Variants in PIK3C2A observed in about 807,000 individuals in gnomAD.
PIK3C2A encodes phosphatidylinositol-4-phosphate 3-kinase catalytic subunit type 2 alpha, also known as phosphatidylinositol 4-phosphate 3-kinase C2 domain-containing subunit alpha.
In PIK3C2A, 97 loss-of-function variants were observed where a neutral mutation model predicts 204.5. The ratio of observed to expected loss-of-function variants is 0.47; its 90% confidence interval spans 0.40 to 0.56. The LOEUF (loss-of-function observed/expected upper bound fraction) is 0.56. Among genes scored for constraint, PIK3C2A ranks in the 20% least tolerant of loss-of-function variants. The pLI is 0.00. For synonymous variants in PIK3C2A, 653 were observed against 664.4 expected, an observed-to-expected ratio of 0.98 and a Z score of 0.26; for missense variants, 1,735 against 1,969.2, an observed-to-expected ratio of 0.88 and a Z score of 2.25.
At chr11:17,185,909 T>A (rs1397453286) in intron 1 of PIK3C2A, among the ~76,000 whole-genome samples, 1 of 152,188 alleles carries the variant, frequency 6.6e-6, no homozygotes, top group Non-Finnish European at 1.5e-5. Context: ...GCTGGAGTGA[T>A]CTTGAAAAAC....
At chr11:17,091,771 G>A (rs1848317477) in intron 30 of PIK3C2A, 115 bp from the exon 31 acceptor site, 1 of 720,392 alleles carries the variant, frequency 1.4e-6, no homozygotes, top group South Asian at 1.8e-5. Flanking sequence ...GAAGGGAGGG[G>A]AAAAAGGAGT....
At chr11:17,100,517 T>C (rs1484379588) in intron 25 of PIK3C2A, among the ~76,000 whole-genome samples, 2 of 152,172 alleles carry the variant, frequency 1.3e-5, no homozygotes, top group African/African-American at 2.4e-5. Context: ...CCACCGCGCC[T>C]GGCCTAGGCC....
At chr11:17,124,943 C>G (rs1590935240) in intron 13 of PIK3C2A, among the ~76,000 whole-genome samples, 2 of 152,138 alleles carry the variant, frequency 1.3e-5, no homozygotes, top group South Asian at 2.1e-4. Context: ...GACCTAGAGG[C>G]CTGATTTGAT....
intron 8 of PIK3C2A, among the ~76,000 whole-genome samples, chr11:17,139,223 T>G (rs1468102022): frequency 2.0e-5 from 3 of 150,620 alleles, no homozygotes; most frequent in Non-Finnish European, 4.4e-5. Context: ...TAATGATTCT[T>G]TAAATTTCCC....
intron 1 of PIK3C2A, among the ~76,000 whole-genome samples, chr11:17,187,502 C>G (rs72860760): frequency 6.6e-6 from 1 of 152,126 alleles, no homozygotes; most frequent in South Asian, 2.1e-4. Flanking sequence ...ACTTTCATCA[C>G]CCCATAAAGA....
chr11:17,121,104 TTTTTCTTTTCTTTTC>T (rs533558948), intron 15 of PIK3C2A, among the ~76,000 whole-genome samples: 4 of 152,040 alleles, frequency 2.6e-5, no homozygotes, highest in South Asian at 2.1e-4. Flanking sequence ...TTCCAATCAA[TTTTTCTTTTCTTTTC>T]TTTTCTTTTC....
At chr11:17,110,038 C>T (rs1014766517) in intron 22 of PIK3C2A, among the ~76,000 whole-genome samples, 4 of 152,014 alleles carry the variant, frequency 2.6e-5, no homozygotes, top group Non-Finnish European at 5.9e-5. Context: ...CTGCAGCCTC[C>T]GCCTCCCAAG....
intron 2 of PIK3C2A, among the ~76,000 whole-genome samples, chr11:17,165,640 T>C (rs1387366255): frequency 6.6e-6 from 1 of 151,900 alleles, no homozygotes; most frequent in Non-Finnish European, 1.5e-5. Flanking sequence ...CCGGTCGTGG[T>C]GGTGCATGAC....
chr11:17,122,791 G>T lies in PIK3C2A; in HGVS notation c.2422C>A (p.Leu808Ile). 1 of 1,493,584 alleles carries T rather than the reference G, an allele frequency of 6.7e-7. No homozygotes were observed. The highest frequency in any genetic ancestry group is 9.2e-7 in the Non-Finnish European group (1 of 1,084,996). The allele number at this position is 1,493,584 out of a possible 1,614,324, so 92.5% of individuals were successfully genotyped here. ...FKRFLTCGTK[L>I]LYLWTSSHTN... ...TGTGATGAAGTCCAAAGATATAGAAGTTTAGTTCCACATGTTAAAAACCTT... is the reference window on the plus strand; with the variant it reads ...TGTGATGAAGTCCAAAGATATAGAATTTTAGTTCCACATGTTAAAAACCTT... Residue 808 changes from leucine to isoleucine, a missense_variant, in exon 14 of 33, where the codon CTT (leucine) becomes ATT (isoleucine). Around this residue, in one of 6 missense-constraint regions of PIK3C2A, gnomAD observed 567 missense variants for 576.0 expected, o/e 0.98. Transcript: ENST00000691414.
intron 13 of PIK3C2A, among the ~76,000 whole-genome samples, chr11:17,125,950 C>T (rs1849508240): frequency 6.6e-6 from 1 of 151,836 alleles, no homozygotes. Context: ...ATTGCAAAAC[C>T]CTGTCTCTAC....
At chr11:17,185,254 A>G (rs757062221) in intron 1 of PIK3C2A, among the ~76,000 whole-genome samples, 2 of 152,240 alleles carry the variant, frequency 1.3e-5, no homozygotes, top group Non-Finnish European at 2.9e-5. Flanking sequence ...ATAACATGCT[A>G]TAGTATGTAC....
At chr11:17,141,711 T>G (rs928451839) in intron 8 of PIK3C2A, among the ~76,000 whole-genome samples, 1 of 152,200 alleles carries the variant, frequency 6.6e-6, no homozygotes, top group Non-Finnish European at 1.5e-5. Context: ...TAGTGACTTA[T>G]TTTCAAAAGA....
intron 25 of PIK3C2A, among the ~76,000 whole-genome samples, 196 bp downstream of exon 25, chr11:17,101,082 A>G (rs1190776804): frequency 6.6e-6 from 1 of 152,214 alleles, no homozygotes; most frequent in East Asian, 1.9e-4. Flanking sequence ...TTTTATACAA[A>G]TGGAGTCAGA....
At chr11:17,197,302 G>C (rs1261162216) in intron 1 of PIK3C2A, among the ~76,000 whole-genome samples, 1 of 152,062 alleles carries the variant, frequency 6.6e-6, no homozygotes, top group African/African-American at 2.4e-5. Context: ...CTACAGGCAT[G>C]AGCCACCGCA....
chr11:17,112,643 A>G lies in PIK3C2A; in HGVS notation c.3345T>C (p.Asn1115=). 2 of 1,528,856 alleles carry G rather than the reference A, an allele frequency of 1.3e-6. No individual in the cohort carries two copies. Among genetic ancestry groups the G allele is most frequent in the Non-Finnish European group, 1.8e-6 (2 of 1,131,730 alleles). 94.7% of individuals were successfully genotyped at this position (1,528,856 alleles called of 1,614,324 possible). Reference sequence around the variant, plus strand: ...CCATTGTGACTTTTAGGGGGACAGCATTAGAACTGAAGAAGGAACACGACT... The same window carrying G: ...CCATTGTGACTTTTAGGGGGACAGCGTTAGAACTGAAGAAGGAACACGACT... ...NIKSCSFFSS[N]AVPLKVTMVN... is the part of the protein sequence containing the mutation. The change falls in exon 21 of 33, where the codon AAT becomes AAC. Residue 1115 remains asparagine, a synonymous_variant. Transcript: ENST00000691414.
At chr11:17,132,362 G>T (rs374173663) in intron 11 of PIK3C2A, among the ~76,000 whole-genome samples, 1 of 119,118 alleles carries the variant, frequency 8.4e-6, no homozygotes, top group Admixed American at 1.2e-4. Flanking sequence ...TCGCTCTGTC[G>T]CCCAGGACGG....
chr11:17,186,992 T>C (rs765018725), intron 1 of PIK3C2A, among the ~76,000 whole-genome samples: 1 of 152,102 alleles, frequency 6.6e-6, no homozygotes, highest in African/African-American at 2.4e-5. Context: ...GGTGGGAAGA[T>C]TGCTTGAGCC....
At chr11:17,131,740 T>G (rs1423413429) in intron 12 of PIK3C2A, among the ~76,000 whole-genome samples, 176 bp downstream of exon 12, 1 of 152,096 alleles carries the variant, frequency 6.6e-6, no homozygotes, top group African/African-American at 2.4e-5. Flanking sequence ...TATTTTTTAA[T>G]GAGAATTTCA....
chr11:17,126,150 A>T (rs1280488370), intron 13 of PIK3C2A, among the ~76,000 whole-genome samples: 2 of 152,074 alleles, frequency 1.3e-5, no homozygotes, highest in Non-Finnish European at 2.9e-5. Context: ...AACAAAAAAA[A>T]CTTTGCCACC....
Sources: gnomAD v4.1 joint callset for allele counts (sites outside exome capture counted in the v4.1 genomes callset) on GRCh38, gnomAD v4.1.1 for gene constraint, gnomAD v4.1.1 regional missense constraint, MANE v1.5 for transcripts, NCBI Gene and HGNC (gene_info 2026-07-23, HGNC 2026-07-21) for gene names.